PRKN: variants seen among roughly 807,000 people sequenced by gnomAD.
PRKN encodes the protein parkin RBR E3 ubiquitin protein ligase.
PRKN carries 56 observed loss-of-function variants against 59.5 expected under a neutral mutation model. That is an observed-to-expected ratio of 0.94 (90% confidence interval 0.76 to 1.18). PRKN has a LOEUF of 1.18. Among genes scored for constraint, PRKN ranks in the 50% most tolerant of loss-of-function variants. The pLI, the probability that PRKN is intolerant of heterozygous loss-of-function variation, is 0.00. For missense variants in PRKN, 657 were observed against 596.4 expected, an observed-to-expected ratio of 1.10 and a Z score of -1.06; for synonymous variants, 250 against 222.1, an observed-to-expected ratio of 1.13 and a Z score of -1.12.
chr6:162,463,283 T>C (rs1791255201), intron 1 of PRKN, among the ~76,000 whole-genome samples: 1 of 152,124 alleles, frequency 6.6e-6, no homozygotes, highest in South Asian at 2.1e-4. Context: ...TCAAGATTAT[T>C]CCAAGCACAA....
intron 6 of PRKN, among the ~76,000 whole-genome samples, chr6:161,953,376 T>C (rs149287186): frequency 0.021 from 3,210 of 152,276 alleles, 121 homozygotes; most frequent in African/African-American, 0.072. Flanking sequence ...TCCCAAAATG[T>C]TGGGATTACA....
intron 7 of PRKN, among the ~76,000 whole-genome samples, chr6:161,597,033 G>T (rs1781940043): frequency 6.6e-6 from 1 of 152,156 alleles, no homozygotes; most frequent in African/African-American, 2.4e-5. Context: ...GGGGCTTCTG[G>T]GGAGTCTATC....
At chr6:161,605,298 C>A (rs898397735) in intron 7 of PRKN, among the ~76,000 whole-genome samples, 1 of 152,060 alleles carries the variant, frequency 6.6e-6, no homozygotes, top group Non-Finnish European at 1.5e-5. Context: ...CAGCTATGTA[C>A]CCGTATGTGT....
intron 2 of PRKN, among the ~76,000 whole-genome samples, chr6:162,272,596 T>C (rs943907190): frequency 2.0e-5 from 3 of 152,136 alleles, no homozygotes; most frequent in African/African-American, 7.2e-5. Flanking sequence ...TGCGAGTTTA[T>C]GCCACGCTTC....
intron 2 of PRKN, among the ~76,000 whole-genome samples, chr6:162,311,428 G>A (rs1216852058): frequency 6.7e-6 from 1 of 149,684 alleles, no homozygotes; most frequent in Non-Finnish European, 1.5e-5. Flanking sequence ...GAAAATAAAA[G>A]TTACTCTAAC....
intron 1 of PRKN, among the ~76,000 whole-genome samples, chr6:162,699,383 C>CTAAG (rs1485439241): frequency 6.6e-6 from 1 of 152,038 alleles, no homozygotes; most frequent in East Asian, 1.9e-4. Flanking sequence ...ATATACAAGG[C>CTAAG]TAAGACTAGA....
intron 2 of PRKN, among the ~76,000 whole-genome samples, chr6:162,363,127 CAAACAAAAAAAAA>C (rs1198956798): frequency 5.1e-5 from 2 of 38,858 alleles, no homozygotes; most frequent in African/African-American, 1.2e-4. Context: ...GACTCCTTCT[CAAACAAAAAAAAA>C]AAAAAAAAAA....
rs1168097136 is a variant in PRKN, at chr6:161,352,952, G to T, written c.1286-2741C>A. Among the ~76,000 whole-genome samples the T allele has an allele frequency of 1.3e-5, 2 of 151,832 alleles. No individual in the cohort carries two copies. Among genetic ancestry groups the T allele is most frequent in the African/African-American group, 4.8e-5 (2 of 41,300 alleles). ...CTGCCACCACGCCTGGCTAAATTTT[G>T]TATTTTTAGTAGAGACGGGGTTTCA... On this transcript the variant is annotated intron_variant, in intron 11 of 11. Coordinates refer to ENST00000366898, the MANE Select transcript of PRKN (RefSeq NM_004562.3). This position sits in a 1 kb window ranked among gnomAD's most constrained non-coding sequence, Gnocchi z 5.8.
intron 7 of PRKN, among the ~76,000 whole-genome samples, chr6:161,737,563 T>C (rs1204579619): frequency 6.6e-6 from 1 of 152,222 alleles, no homozygotes; most frequent in African/African-American, 2.4e-5. Context: ...TGTATGTGCC[T>C]GAAATATATT....
At chr6:162,304,476 T>C (rs1782121205) in intron 2 of PRKN, among the ~76,000 whole-genome samples, 1 of 149,916 alleles carries the variant, frequency 6.7e-6, no homozygotes, top group South Asian at 2.1e-4. Context: ...AATGTAATGC[T>C]TGACTCATCC....
At chr6:162,650,282 A>G (rs146915247) in intron 1 of PRKN, among the ~76,000 whole-genome samples, 10 of 152,254 alleles carry the variant, frequency 6.6e-5, no homozygotes, top group Non-Finnish European at 1.2e-4. Context: ...CACCCTCCAC[A>G]ATGCTTTTGA....
chr6:161,946,451 C>CTCTCTCTCTCT lies in PRKN; in HGVS notation c.734+26850_734+26851insAGAGAGAGAGA, dbSNP rs1554253070. On this transcript the variant is annotated intron_variant, in intron 6 of 11. Coordinates refer to ENST00000366898, the MANE Select transcript of PRKN (RefSeq NM_004562.3). Reference sequence around the variant, plus strand: ...TCTCTCTCTCTCTCTCTCTCTCTCTCAATACAAAAGAGACAGCGCTAACCC... The same window carrying CTCTCTCTCTCT: ...TCTCTCTCTCTCTCTCTCTCTCTCTCTCTCTCTCTCTAATACAAAAGAGACAGCGCTAACCC... Among the ~76,000 whole-genome samples the CTCTCTCTCTCT allele has an allele frequency of 2.9e-3, 390 of 136,608 alleles. 4 individuals are homozygous for CTCTCTCTCTCT. The highest frequency in any genetic ancestry group is 9.8e-3 in the African/African-American group (369 of 37,728). The allele number at this position is 136,608 out of a possible 152,430, so 89.6% of individuals were successfully genotyped here.
chr6:162,195,641 T>C lies in PRKN; in HGVS notation c.534+5490A>G, dbSNP rs373416226. Reference sequence around the variant, plus strand: ...TGCTATTCCATGGCAGAGTATCTCATTAGAGTGGCAAAGATAAAGTTCTTT... The same window carrying C: ...TGCTATTCCATGGCAGAGTATCTCACTAGAGTGGCAAAGATAAAGTTCTTT... On this transcript the variant is annotated intron_variant, in intron 4 of 11. Transcript: ENST00000366898. Among the ~76,000 whole-genome samples the C allele has an allele frequency of 3.9e-5, 6 of 152,328 alleles. 1 individual carries two copies. Among genetic ancestry groups the C allele is most frequent in the African/African-American group, 1.4e-4 (6 of 41,576 alleles).
chr6:161,696,654 G>A (rs1477891847), intron 7 of PRKN, among the ~76,000 whole-genome samples: 1 of 152,134 alleles, frequency 6.6e-6, no homozygotes, highest in African/African-American at 2.4e-5. Flanking sequence ...TGTAGATCTA[G>A]ACATATATAA....
At chr6:161,979,718 T>C (rs950523080) in intron 5 of PRKN, among the ~76,000 whole-genome samples, 1 of 152,164 alleles carries the variant, frequency 6.6e-6, no homozygotes, top group Non-Finnish European at 1.5e-5. Context: ...CATAACTCAC[T>C]TGCCCTCTCC....
intron 6 of PRKN, among the ~76,000 whole-genome samples, chr6:161,897,187 G>A (rs753413153): frequency 4.6e-5 from 7 of 152,198 alleles, no homozygotes; most frequent in African/African-American, 7.2e-5. Flanking sequence ...GAGCTCAAGT[G>A]AACACGTGGC....
At chr6:161,666,714 C>T (rs1423367901) in intron 7 of PRKN, among the ~76,000 whole-genome samples, 1 of 152,176 alleles carries the variant, frequency 6.6e-6, no homozygotes, top group Non-Finnish European at 1.5e-5. Context: ...AAATAAAAAC[C>T]TCTGCCCCTC....
chr6:161,917,044 C>T (rs183049466), intron 6 of PRKN, among the ~76,000 whole-genome samples: 3 of 152,102 alleles, frequency 2.0e-5, no homozygotes, highest in South Asian at 4.2e-4. Flanking sequence ...CCTCGTGATC[C>T]GTCTGCCTCC....
At chr6:161,716,614 G>C (rs73783354) in intron 7 of PRKN, among the ~76,000 whole-genome samples, 10,866 of 152,210 alleles carry the variant, frequency 0.071, 670 homozygotes, top group African/African-American at 0.17. Context: ...TGTCTCAAGA[G>C]GGGGGGAAAA....
Sources: allele counts gnomAD v4.1 joint callset (sites outside exome capture counted in the v4.1 genomes callset), GRCh38; gene constraint gnomAD v4.1.1; non-coding constraint Gnocchi (gnomAD v3.1); transcripts MANE v1.5; gene names NCBI Gene and HGNC (gene_info 2026-07-23, HGNC 2026-07-21).